The following COL24A1 variants were observed in gnomAD, a reference collection of about 807,000 sequenced individuals.
COL24A1 encodes the protein collagen type XXIV alpha 1 chain.
In COL24A1, 224 loss-of-function variants were observed where a neutral mutation model predicts 253.9. The observed-to-expected ratio is 0.88, with a 90% CI of 0.79 to 0.99. The LOEUF is 0.99. Among genes scored for constraint, COL24A1 ranks in the 50% least tolerant of loss-of-function variants. COL24A1 has a pLI of 0.00. For missense variants in COL24A1, 2,131 were observed against 2,068.5 expected, an observed-to-expected ratio of 1.03 and a Z score of -0.59; for synonymous variants, 685 against 673.7, an observed-to-expected ratio of 1.02 and a Z score of -0.26.
intron 31 of COL24A1, among the ~76,000 whole-genome samples, chr1:85,894,011 G>A (rs57782549): frequency 0.019 from 2,831 of 152,184 alleles, 88 homozygotes; most frequent in African/African-American, 0.066. Flanking sequence ...ATCTGACCTC[G>A]AATTTATCTT....
intron 22 of COL24A1, among the ~76,000 whole-genome samples, chr1:85,966,779 T>C (rs984502626): frequency 6.6e-6 from 1 of 152,068 alleles, no homozygotes; most frequent in African/African-American, 2.4e-5. Context: ...ATCATTTGTA[T>C]TGTAGTGGTG....
At chr1:85,993,009 T>C (rs1168496057) in intron 19 of COL24A1, among the ~76,000 whole-genome samples, 1 of 152,100 alleles carries the variant, frequency 6.6e-6, no homozygotes, top group Non-Finnish European at 1.5e-5. Flanking sequence ...GACTCAGCAT[T>C]CTCTCCAGTA....
chr1:85,891,822 T>TA (rs1232682506), intron 31 of COL24A1, among the ~76,000 whole-genome samples: 2 of 152,224 alleles, frequency 1.3e-5, no homozygotes, highest in African/African-American at 4.8e-5. Context: ...TGATACTGCA[T>TA]AAAAGCTCTT....
intron 47 of COL24A1, among the ~76,000 whole-genome samples, chr1:85,811,767 T>C (rs1418978690): frequency 6.6e-6 from 1 of 152,210 alleles, no homozygotes; most frequent in East Asian, 1.9e-4. Flanking sequence ...TTTGGAGAAA[T>C]GTCTATTCAA....
At chr1:85,932,521 C>T (rs1687834170) in intron 24 of COL24A1, among the ~76,000 whole-genome samples, 1 of 121,902 alleles carries the variant, frequency 8.2e-6, no homozygotes, top group Non-Finnish European at 1.7e-5. Flanking sequence ...TTGTGGAAGT[C>T]AGTGTGGCGA....
intron 37 of COL24A1, among the ~76,000 whole-genome samples, chr1:85,853,353 T>C (rs1678028269): frequency 6.6e-6 from 1 of 152,234 alleles, no homozygotes; most frequent in South Asian, 2.1e-4. Context: ...TACCACTTTT[T>C]TTTTTATCCA....
chr1:85,761,785 T>A (rs1212899802), intron 53 of COL24A1, among the ~76,000 whole-genome samples: 3 of 152,210 alleles, frequency 2.0e-5, no homozygotes, highest in Non-Finnish European at 4.4e-5. Context: ...TCGATATTAT[T>A]AGAAACTGAA....
intron 53 of COL24A1, among the ~76,000 whole-genome samples, chr1:85,763,287 G>A (rs907320080): frequency 4.0e-5 from 6 of 151,640 alleles, no homozygotes; most frequent in African/African-American, 1.2e-4. Context: ...GTATGGTGGT[G>A]CACTCCTGTA....
intron 53 of COL24A1, among the ~76,000 whole-genome samples, chr1:85,770,055 GTC>G (rs1470056451): frequency 6.6e-6 from 1 of 152,066 alleles, no homozygotes; most frequent in Non-Finnish European, 1.5e-5. Context: ...CTAATTCCAA[GTC>G]TCTCTGCTTT....
intron 43 of COL24A1, among the ~76,000 whole-genome samples, chr1:85,833,334 A>G (rs1428401697): frequency 6.6e-6 from 1 of 152,224 alleles, no homozygotes; most frequent in Non-Finnish European, 1.5e-5. Context: ...TCAAAAGAAG[A>G]CATTTATGCA....
At chr1:85,791,751 A>G (rs971522186) in intron 47 of COL24A1, among the ~76,000 whole-genome samples, 1 of 152,280 alleles carries the variant, frequency 6.6e-6, no homozygotes, top group East Asian at 1.9e-4. Context: ...CAAAGATGAA[A>G]TATGTGAAAT....
At chr1:85,998,642 C>A (rs1695097986) in intron 19 of COL24A1, among the ~76,000 whole-genome samples, 1 of 152,192 alleles carries the variant, frequency 6.6e-6, no homozygotes, top group African/African-American at 2.4e-5. Context: ...TTATTCCAGT[C>A]ACTCTCTTCA....
At position 85,896,218 on chromosome 1, in the gene COL24A1, T is replaced by C. The variant is rs1683698803; in HGVS notation, c.2832+138A>G. 1.1e-5 allele frequency: 13 copies of C among 1,169,390 alleles called. 1 individual carries two copies. The highest frequency in any genetic ancestry group is 1.6e-5 in the Non-Finnish European group (13 of 817,914). 72.4% of individuals were successfully genotyped at this position (1,169,390 alleles called of 1,614,324 possible). A position where few individuals can be genotyped will look rare whatever the true frequency, so the allele number is the denominator to read the frequency against. ...ACATCTCTGCCTGTGTAGTAAAAAC[T>C]TTATGCGTTTCATACTTAGACAAAG... On this transcript the variant is annotated intron_variant, in intron 29 of 59. Coordinates refer to ENST00000370571, the MANE Select transcript of COL24A1 (RefSeq NM_152890.7).
At position 85,730,687 on chromosome 1, in the gene COL24A1, T is replaced by C; in HGVS notation, c.5004A>G (p.Gln1668=). 2 of 1,613,778 alleles carry C rather than the reference T, an allele frequency of 1.2e-6. No individual in the cohort carries two copies. The highest frequency in any genetic ancestry group is 1.1e-5 in the South Asian group (1 of 91,052). The change falls in exon 60 of 60, where the codon CAA becomes CAG. Residue 1668 remains glutamine, a synonymous_variant. Coordinates refer to ENST00000370571, the MANE Select transcript of COL24A1 (RefSeq NM_152890.7). ...ATGTTGCCTTATGCCAGCTGCCATC[T>C]TGAATCTGTAAAATAAGAACAAAAT... is the stretch of plus-strand genomic sequence containing the variant. ...PKVLSDDCKI[Q]DGSWHKATFL...
intron 32 of COL24A1, among the ~76,000 whole-genome samples, chr1:85,882,787 C>T (rs572414779): frequency 2.0e-5 from 3 of 152,068 alleles, no homozygotes; most frequent in Non-Finnish European, 4.4e-5. Flanking sequence ...TTTGATGCTC[C>T]GTCGTCAGGT....
At chr1:86,089,039 A>G in intron 7 of COL24A1, 135 bp downstream of exon 7, 1 of 593,112 alleles carries the variant, frequency 1.7e-6, no homozygotes, top group Non-Finnish European at 2.7e-6. Flanking sequence ...CAACTTCAAA[A>G]TGAGATCATA....
rs548742660 is a variant in COL24A1 at position 86,070,331 on chromosome 1, G to A, written c.1708-6572C>T. Among the ~76,000 whole-genome samples the A allele has an allele frequency of 3.3e-5, 5 of 152,208 alleles. No individual in the cohort carries two copies. In the South Asian group the frequency reaches 1.0e-3, roughly 32 times the overall value. On this transcript the variant is annotated intron_variant, in intron 7 of 59. Transcript: ENST00000370571. ...AAAAAACAATGAAGCACACCTACAA[G>A]ATGGAAAACAGCCTCAAAAGGGAAA...
Position 85,927,232 on chromosome 1 carries a change from C to T in COL24A1, c.2563-15799G>A, listed in dbSNP as rs566414543. Among the ~76,000 whole-genome samples the T allele has an allele frequency of 2.4e-3, 358 of 152,232 alleles. 2 individuals carry two copies. The highest frequency in any genetic ancestry group is 8.2e-3 in the African/African-American group (340 of 41,510). ...GAGGCCAGTGTGTGTGCGCACCGTGCGCGAGCCGAAGCAGGGCAAGGCATT... is the reference window on the plus strand; with the variant it reads ...GAGGCCAGTGTGTGTGCGCACCGTGTGCGAGCCGAAGCAGGGCAAGGCATT... On this transcript the variant is annotated intron_variant, in intron 24 of 59. Coordinates refer to ENST00000370571, the MANE Select transcript of COL24A1 (RefSeq NM_152890.7).
intron 35 of COL24A1, among the ~76,000 whole-genome samples, chr1:85,874,336 T>C (rs1216789119): frequency 6.6e-6 from 1 of 152,196 alleles, no homozygotes; most frequent in Non-Finnish European, 1.5e-5. Flanking sequence ...AGTTGTTCAC[T>C]GGTATTTGTG....
Sources: allele counts gnomAD v4.1 joint callset (sites outside exome capture counted in the v4.1 genomes callset), GRCh38; gene constraint gnomAD v4.1.1; transcripts MANE v1.5; gene names NCBI Gene and HGNC (gene_info 2026-07-23, HGNC 2026-07-21).